The following SYT6 variants were observed in gnomAD, a reference collection of about 807,000 sequenced individuals.
SYT6 encodes synaptotagmin-6.
SYT6 carries 24 observed loss-of-function variants against 38.4 expected under a neutral mutation model. The ratio of observed to expected loss-of-function variants is 0.62; its 90% CI spans 0.45 to 0.88. The LOEUF (loss-of-function observed/expected upper bound fraction) is 0.88. SYT6 is among the 40% of genes least tolerant of loss of function. SYT6 has a pLI of 0.00. For missense variants in SYT6, 611 were observed against 621.0 expected, an observed-to-expected ratio of 0.98 and a Z score of 0.17; for synonymous variants, 265 against 241.9, an observed-to-expected ratio of 1.10 and a Z score of -0.89.
chr1:114,135,837 G>A (rs1476231257), intron 3 of SYT6, among the ~76,000 whole-genome samples: 1 of 152,208 alleles, frequency 6.6e-6, no homozygotes, highest in East Asian at 1.9e-4. Context: ...CTCACTGTGA[G>A]GAGGACTGAG....
At chr1:114,092,183 C>A in intron 7 of SYT6, 101 bp from the exon 8 acceptor site, 1 of 1,132,702 alleles carries the variant, frequency 8.8e-7, no homozygotes. Context: ...CCTTTCCTAG[C>A]TTCTCATAAG....
intron 3 of SYT6, among the ~76,000 whole-genome samples, chr1:114,124,016 T>C (rs561509625): frequency 1.1e-4 from 17 of 152,282 alleles, no homozygotes; most frequent in Admixed American, 5.9e-4. Context: ...GACTGGTTCA[T>C]TCTCAGGAGA....
intron 3 of SYT6, among the ~76,000 whole-genome samples, chr1:114,134,706 G>A (rs1678374694): frequency 1.3e-5 from 2 of 152,166 alleles, no homozygotes; most frequent in Non-Finnish European, 2.9e-5. Flanking sequence ...AAAGGCAAGA[G>A]GCAGAAATGT....
At chr1:114,135,182 A>G (rs1445426666) in intron 3 of SYT6, among the ~76,000 whole-genome samples, 3 of 150,764 alleles carry the variant, frequency 2.0e-5, no homozygotes, top group African/African-American at 7.3e-5. Flanking sequence ...CTGCACCTGG[A>G]CTCCCTCTGC....
chr1:114,092,048 C>A lies in SYT6; in HGVS notation c.*86G>T. On this transcript the variant is annotated 3_prime_UTR_variant, in exon 8 of 8. Coordinates refer to ENST00000610222, the MANE Select transcript of SYT6 (RefSeq NM_001253772.2). ...AGGTGGTTTCGGAGATGGGCACGAGCTCTCACTGTCGAAGCTAGCAGCTCG... is the reference window on the plus strand; with the variant it reads ...AGGTGGTTTCGGAGATGGGCACGAGATCTCACTGTCGAAGCTAGCAGCTCG... 3.9e-6 allele frequency: 6 copies of A among 1,536,280 alleles called. No homozygotes were observed. The highest frequency in any genetic ancestry group is 5.2e-6 in the Non-Finnish European group (6 of 1,146,902).
intron 1 of SYT6, among the ~76,000 whole-genome samples, chr1:114,146,876 TC>T (rs1297108234): frequency 6.6e-6 from 1 of 152,212 alleles, no homozygotes; most frequent in African/African-American, 2.4e-5. Context: ...AATAATAGTA[TC>T]TACCTTTAGG....
chr1:114,133,296 C>T (rs1249950869), intron 3 of SYT6, among the ~76,000 whole-genome samples: 2 of 152,166 alleles, frequency 1.3e-5, no homozygotes, highest in African/African-American at 2.4e-5. Context: ...GCCCCAGTTA[C>T]AGCCTTTGTC....
intron 6 of SYT6, among the ~76,000 whole-genome samples, chr1:114,095,893 C>T (rs1159289023): frequency 1.3e-5 from 2 of 152,078 alleles, no homozygotes; most frequent in African/African-American, 4.8e-5. Context: ...ATCTCCTGAC[C>T]TCATGATCCA....
chr1:114,153,576 C>T (rs946295871), intron 1 of SYT6, 34 bp downstream of exon 1: 78 of 581,010 alleles, frequency 1.3e-4, no homozygotes, highest in Non-Finnish European at 2.2e-4. Flanking sequence ...GGACGGATAT[C>T]CAGGAAGGGA....
intron 1 of SYT6, among the ~76,000 whole-genome samples, chr1:114,149,549 C>T (rs1305779288): frequency 6.6e-6 from 1 of 152,066 alleles, no homozygotes; most frequent in African/African-American, 2.4e-5. Context: ...CTCACTTCCA[C>T]CATCATTAGG....
intron 7 of SYT6, among the ~76,000 whole-genome samples, 183 bp from the exon 8 acceptor site, chr1:114,092,265 CTG>C (rs1675348655): frequency 1.3e-5 from 2 of 151,442 alleles, no homozygotes; most frequent in Non-Finnish European, 2.9e-5. Flanking sequence ...TTTGGAATAC[CTG>C]ATTTTCAAAA....
intron 1 of SYT6, among the ~76,000 whole-genome samples, chr1:114,148,897 G>C (rs1267511273): frequency 6.6e-6 from 1 of 152,140 alleles, no homozygotes; most frequent in South Asian, 2.1e-4. Flanking sequence ...CCAAATCTGG[G>C]CTCTTGAATC....
chr1:114,101,074 G>A (rs987675355), intron 4 of SYT6, among the ~76,000 whole-genome samples: 18 of 152,004 alleles, frequency 1.2e-4, no homozygotes, highest in African/African-American at 4.1e-4. Context: ...TTTTTTAAGA[G>A]ACAAGGTCTT....
At chr1:114,094,791 A>G (rs1436158995) in intron 6 of SYT6, among the ~76,000 whole-genome samples, 1 of 152,190 alleles carries the variant, frequency 6.6e-6, no homozygotes, top group Non-Finnish European at 1.5e-5. Flanking sequence ...TGATTATACA[A>G]ATGGGAGATA....
At chr1:114,098,106 T>G (rs990599767) in intron 5 of SYT6, among the ~76,000 whole-genome samples, 2 of 152,220 alleles carry the variant, frequency 1.3e-5, no homozygotes, top group African/African-American at 4.8e-5. Context: ...TAAACTTGTT[T>G]GGAATCTCAA....
chr1:114,110,119 G>A (rs899199894), intron 3 of SYT6, among the ~76,000 whole-genome samples: 2 of 152,182 alleles, frequency 1.3e-5, no homozygotes, highest in African/African-American at 4.8e-5. Flanking sequence ...GCAGACAATG[G>A]GAGACTGGCT....
intron 5 of SYT6, 45 bp downstream of exon 5, chr1:114,099,049 T>A: frequency 6.4e-7 from 1 of 1,562,184 alleles, no homozygotes; most frequent in Non-Finnish European, 8.7e-7. Flanking sequence ...GGTGCTGGAG[T>A]GGGAGTGAGG....
chr1:114,093,838 TG>T (rs1675467750), intron 6 of SYT6, 35 bp from the exon 7 acceptor site: 2 of 1,601,006 alleles, frequency 1.2e-6, no homozygotes, highest in Admixed American at 3.3e-5. Context: ...AATGCCTGGT[TG>T]TTGAGGCCAC....
At chr1:114,127,178 C>T (rs1364547652) in intron 3 of SYT6, among the ~76,000 whole-genome samples, 1 of 152,176 alleles carries the variant, frequency 6.6e-6, no homozygotes, top group African/African-American at 2.4e-5. Flanking sequence ...GCTACAGGTC[C>T]TAATTTTGGC....
Sources: gnomAD v4.1 joint callset for allele counts (sites outside exome capture counted in the v4.1 genomes callset) on GRCh38, gnomAD v4.1.1 for gene constraint, MANE v1.5 for transcripts, NCBI Gene and HGNC (gene_info 2026-07-23, HGNC 2026-07-21) for gene names.